HAPSTR1: variants seen among roughly 807,000 people sequenced by gnomAD.
HAPSTR1 encodes HUWE1-associated protein modifying stress responses 1.
chr16:9,116,194 A>G, the HAPSTR1 span, among the ~76,000 whole-genome samples: 2 of 152,150 alleles, frequency 1.3e-5, no homozygotes, highest in Non-Finnish European at 2.9e-5. Flanking sequence ...TCTAGAGGGG[A>G]TGTTGGAACA....
At chr16:9,109,255 G>A in the HAPSTR1 span, 1 of 152,156 alleles carries the variant, frequency 6.6e-6, no homozygotes, top group African/African-American at 2.4e-5. Flanking sequence ...CTCTGGAAAG[G>A]GTTGGATTGA....
At chr16:9,097,710 C>T in the HAPSTR1 span, among the ~76,000 whole-genome samples, 21 of 152,206 alleles carry the variant, frequency 1.4e-4, 1 homozygote, top group Non-Finnish European at 2.4e-4. Context: ...TGTGTGCACT[C>T]GCACACTTTG....
chr16:9,110,216 A>G, the HAPSTR1 span: 2 of 110,304 alleles, frequency 1.8e-5, no homozygotes, highest in African/African-American at 3.7e-5. Context: ...GGAACTTCTT[A>G]TTCTCTTAAA....
At chr16:9,093,104 T>C in the HAPSTR1 span, 12 of 1,134,394 alleles carry the variant, frequency 1.1e-5, no homozygotes, top group African/African-American at 1.7e-4. Context: ...GCCCAGCTGC[T>C]AACCTTGAAT....
chr16:9,096,411 G>C, the HAPSTR1 span, among the ~76,000 whole-genome samples: 5 of 152,058 alleles, frequency 3.3e-5, no homozygotes, highest in Admixed American at 3.3e-4. Flanking sequence ...TCCCTAATTG[G>C]AGTAAATGTA....
chr16:9,099,604 C>T, the HAPSTR1 span, among the ~76,000 whole-genome samples: 5 of 152,206 alleles, frequency 3.3e-5, no homozygotes, highest in African/African-American at 1.2e-4. Context: ...CTCTTTTTCA[C>T]AGTGACTTTG....
the HAPSTR1 span, among the ~76,000 whole-genome samples, chr16:9,099,209 C>CT: frequency 1.4e-5 from 2 of 144,928 alleles, no homozygotes; most frequent in East Asian, 4.0e-4. Context: ...TTTTTTTTTT[C>CT]TTTTTTTGAG....
At chr16:9,103,415 TA>T in the HAPSTR1 span, 6 of 760,524 alleles carry the variant, frequency 7.9e-6, no homozygotes, top group Non-Finnish European at 1.2e-5. Flanking sequence ...GCTAAGAACT[TA>T]ATATGGGCGA....
the HAPSTR1 span, chr16:9,103,853 A>C: frequency 6.6e-6 from 1 of 152,640 alleles, no homozygotes; most frequent in Admixed American, 6.5e-5. Flanking sequence ...ACCTGTCATA[A>C]GAAGGCACTC....
At chr16:9,095,857 A>G in the HAPSTR1 span, among the ~76,000 whole-genome samples, 1 of 150,414 alleles carries the variant, frequency 6.6e-6, no homozygotes, top group Non-Finnish European at 1.5e-5. Flanking sequence ...TCCCCTTTCC[A>G]AAAAAGGAAG....
At chr16:9,112,111 G>T in the HAPSTR1 span, 1 of 152,132 alleles carries the variant, frequency 6.6e-6, no homozygotes, top group African/African-American at 2.4e-5. Flanking sequence ...ACAGATTGGG[G>T]TGGGGAGTGG....
the HAPSTR1 span, among the ~76,000 whole-genome samples, chr16:9,098,271 T>A: frequency 6.6e-6 from 1 of 152,118 alleles, no homozygotes; most frequent in Non-Finnish European, 1.5e-5. Context: ...AGGCGGAGGT[T>A]GTGGTGAGCC....
chr16:9,097,229 C>T, the HAPSTR1 span, among the ~76,000 whole-genome samples: 7 of 145,686 alleles, frequency 4.8e-5, no homozygotes, highest in East Asian at 4.0e-4. Context: ...CGTGAGCCAC[C>T]GCGCCTGGCT....
chr16:9,107,546 C>T, the HAPSTR1 span: 1 of 152,256 alleles, frequency 6.6e-6, no homozygotes, highest in Non-Finnish European at 1.5e-5. Context: ...AGTGATCTTT[C>T]TGGTCTTGTC....
chr16:9,102,895 T>G, the HAPSTR1 span: 2 of 1,369,076 alleles, frequency 1.5e-6, no homozygotes, highest in Non-Finnish European at 2.0e-6. Flanking sequence ...GGTATTCACT[T>G]TGGTTAAATT....
chr16:9,114,479 G>T, the HAPSTR1 span, among the ~76,000 whole-genome samples: 4 of 152,200 alleles, frequency 2.6e-5, no homozygotes, highest in Admixed American at 2.0e-4. Context: ...CTCACTCAGG[G>T]AGTGAATGTT....
the HAPSTR1 span, among the ~76,000 whole-genome samples, chr16:9,093,423 G>A: frequency 1.3e-5 from 2 of 152,222 alleles, no homozygotes; most frequent in Non-Finnish European, 2.9e-5. Flanking sequence ...GACATTGAGG[G>A]AAGATAAGAG....
chr16:9,121,342 A>C, the HAPSTR1 span: 1 of 152,240 alleles, frequency 6.6e-6, no homozygotes, highest in Non-Finnish European at 1.5e-5. Context: ...GGGTCTTGCC[A>C]AAGTACCTTC....
the HAPSTR1 span, chr16:9,120,253 T>C: frequency 6.6e-6 from 1 of 152,228 alleles, no homozygotes; most frequent in African/African-American, 2.4e-5. Context: ...TATAAGTGTT[T>C]ATGGTACCTG....
Sources: allele counts gnomAD v4.1 joint callset (sites outside exome capture counted in the v4.1 genomes callset), GRCh38; gene constraint gnomAD v4.1.1; transcripts MANE v1.5; gene names NCBI Gene and HGNC (gene_info 2026-07-23, HGNC 2026-07-21).